GSTO1: variants seen among roughly 807,000 people sequenced by gnomAD.
The protein encoded by GSTO1 is glutathione S-transferase omega 1, also known as glutathione S-transferase omega-1.
Under a neutral mutation model 23.8 loss-of-function variants are expected in GSTO1, and 27 were observed. That is an observed-to-expected ratio of 1.13 (90% CI 0.83 to 1.56). The LOEUF is 1.56. Among genes scored for constraint, GSTO1 ranks in the 40% most tolerant of loss-of-function variants. The pLI is 0.00. For missense variants in GSTO1, 255 were observed against 285.8 expected (o/e 0.89, Z 0.78); for synonymous variants, 105 against 109.3 (o/e 0.96, Z 0.25).
chr10:104,255,086 T>TG, intron 1 of GSTO1, 77 bp from the exon 2 acceptor site: 6 of 1,432,120 alleles, frequency 4.2e-6, no homozygotes, highest in Non-Finnish European at 5.8e-6. Context: ...GGAGCTGCAG[T>TG]GGGACGCGGG....
intron 2 of GSTO1, 35 bp downstream of exon 2, chr10:104,255,306 TC>T: frequency 7.1e-7 from 1 of 1,412,024 alleles, no homozygotes; most frequent in Non-Finnish European, 1.0e-6. Context: ...CCCCGAGCCG[TC>T]CGGGAGCCTG....
chr10:104,263,171 G>C lies in GSTO1; in HGVS notation c.465+94G>C, dbSNP rs2011153257. On this transcript the variant is annotated intron_variant, in intron 4 of 5. Coordinates refer to ENST00000369713, the MANE Select transcript of GSTO1 (RefSeq NM_004832.3). ...TTTTCTTTATATTCCCACTTTCCAA[G>C]TCACTTTAAGGTAATTAGGAAAATT... The C allele has an allele frequency of 5.1e-6, 3 of 590,814 alleles. No individual in the cohort carries two copies. In the African/African-American group the frequency reaches 5.6e-5, roughly 11 times the overall value. 36.6% of individuals were successfully genotyped at this position (590,814 alleles called of 1,614,324 possible). A position where few individuals can be genotyped will look rare whatever the true frequency, so the allele number is the denominator to read the frequency against.
At chr10:104,256,749 C>T (rs1280951030) in intron 2 of GSTO1, among the ~76,000 whole-genome samples, 1 of 152,030 alleles carries the variant, frequency 6.6e-6, no homozygotes, top group Non-Finnish European at 1.5e-5. Context: ...TGCCAGCTTA[C>T]CAAAATTCAT....
intron 3 of GSTO1, among the ~76,000 whole-genome samples, chr10:104,260,911 ATGACATTT>A (rs2011134109): frequency 6.6e-6 from 1 of 152,208 alleles, no homozygotes; most frequent in Non-Finnish European, 1.5e-5. Flanking sequence ...TAAAGGGAAC[ATGACATTT>A]TCAAGAACGA....
intron 4 of GSTO1, among the ~76,000 whole-genome samples, chr10:104,264,188 C>T (rs2011160984): frequency 6.6e-6 from 1 of 152,118 alleles, no homozygotes; most frequent in Non-Finnish European, 1.5e-5. Context: ...TTCTTTAAAA[C>T]ATTTGAGCCT....
Position 104,255,286 on chromosome 10 carries a change from G to T in GSTO1, c.143+15G>T. On this transcript the variant is annotated intron_variant, in intron 2 of 5. Transcript: ENST00000369713. Reference sequence around the variant, plus strand: ...AAGGGAATCAGGTGGGCACCCAGGCGGGGGACGCTCCCCGAGCCGTCCGGG... The same window carrying T: ...AAGGGAATCAGGTGGGCACCCAGGCTGGGGACGCTCCCCGAGCCGTCCGGG... 6.4e-7 allele frequency: 1 copy of T among 1,558,634 alleles called. No homozygotes were observed. Among genetic ancestry groups the T allele is most frequent in the South Asian group, 1.1e-5 (1 of 89,968 alleles).
In GSTO1 at chr10:104,267,307, C is replaced by T. The variant is rs746372013; in HGVS notation, c.628C>T (p.Pro210Ser). 1.2e-6 allele frequency: 2 copies of T among 1,613,058 alleles called. No individual in the cohort carries two copies. The highest frequency in any genetic ancestry group is 1.7e-6 in the Non-Finnish European group (2 of 1,179,078). ...GTGGATGGCAGCCATGAAGGAAGAT[C>T]CCACAGTCTCAGCCCTGCTTACTAG... Reference protein sequence around the residue: ...KLWMAAMKEDPTVSALLTSEK... With the variant: ...KLWMAAMKEDSTVSALLTSEK... The change falls in exon 6 of 6, where the codon CCC (proline) becomes TCC (serine). Residue 210 changes from proline to serine, a missense_variant. Coordinates refer to ENST00000369713, the MANE Select transcript of GSTO1 (RefSeq NM_004832.3).
chr10:104,262,835 C>T (rs2011149101), intron 3 of GSTO1, 144 bp from the exon 4 acceptor site: 1 of 501,148 alleles, frequency 2.0e-6, no homozygotes, highest in Non-Finnish European at 3.6e-6. Context: ...TCCATTACCT[C>T]TGTGAGCGCA....
intron 5 of GSTO1, 83 bp from the exon 6 acceptor site, chr10:104,267,169 G>C (rs1589848486): frequency 5.2e-6 from 4 of 772,602 alleles, no homozygotes; most frequent in Admixed American, 5.4e-5. Context: ...TGAAACTGTA[G>C]AGTAATAATT....
At position 104,267,221 on chromosome 10, in the gene GSTO1, T is replaced by A. The variant is rs2011202231; in HGVS notation, c.573-31T>A. On this transcript the variant is annotated intron_variant, in intron 5 of 5. Transcript: ENST00000369713. ...GTGATGTCATCCTAGTTGACCTAGC[T>A]CACACCTTTCATTTTTTCCTCTTCC... is the stretch of plus-strand genomic sequence containing the variant. 7 of 1,558,596 alleles carry A rather than the reference T, an allele frequency of 4.5e-6. No individual in the cohort carries two copies. In the East Asian group the frequency reaches 1.4e-4, roughly 30 times the overall value.
Position 104,266,089 on chromosome 10 carries a change from G to T in GSTO1, c.471G>T (p.Leu157=). ...RKEFTKLEEV[L]TNKKTTFFGG... Reference sequence around the variant, plus strand: ...TTATGCTGTTTAATGTTCAGGTTCTGACTAATAAGAAGACGACCTTCTTTG... The same window carrying T: ...TTATGCTGTTTAATGTTCAGGTTCTTACTAATAAGAAGACGACCTTCTTTG... Residue 157 remains leucine, a synonymous_variant, in exon 5 of 6, where the codon CTG becomes CTT. Coordinates refer to ENST00000369713, the MANE Select transcript of GSTO1 (RefSeq NM_004832.3). The T allele has an allele frequency of 1.3e-6, 2 of 1,543,792 alleles. No homozygotes were observed. The highest frequency in any genetic ancestry group is 1.1e-5 in the South Asian group (1 of 89,580).
chr10:104,259,920 C>T, intron 3 of GSTO1, 122 bp downstream of exon 3: 1 of 659,608 alleles, frequency 1.5e-6, no homozygotes, highest in Non-Finnish European at 2.7e-6. Context: ...TGCTTGTCAG[C>T]TCTGAGTGTC....
chr10:104,255,349 C>T (rs1425550113), intron 2 of GSTO1, 78 bp downstream of exon 2: 1 of 827,512 alleles, frequency 1.2e-6, no homozygotes, highest in Non-Finnish European at 2.1e-6. Context: ...GGGGTCTCAG[C>T]CCCCTTCTAC....
At chr10:104,265,770 T>C (rs1168898089) in intron 4 of GSTO1, among the ~76,000 whole-genome samples, 1 of 152,278 alleles carries the variant, frequency 6.6e-6, no homozygotes, top group African/African-American at 2.4e-5. Context: ...ATGGGTCGTT[T>C]GCTATTTTTC....
rs1474909556 is a variant in GSTO1 at position 104,254,945 on chromosome 10, C to T, written c.17C>T (p.Ala6Val). ...TGCGCCACGATGTCCGGGGAGTCAG[C>T]CAGGAGCTTGGGGAAGGGTGAGGCC... MSGES[A>V]RSLGKGSAPP... Residue 6 changes from alanine (A) to valine (V), a missense_variant, in exon 1 of 6, where the codon GCC (alanine) becomes GTC (valine). Ala to Val is a moderately conservative substitution (Grantham distance 64). Transcript: ENST00000369713. The T allele has an allele frequency of 3.1e-6, 5 of 1,610,728 alleles. No homozygotes were observed. Among genetic ancestry groups the T allele is most frequent in the Non-Finnish European group, 4.2e-6 (5 of 1,179,026 alleles).
upstream of GSTO1, chr10:104,254,807 C>CG: frequency 3.1e-6 from 3 of 956,726 alleles, no homozygotes; most frequent in Non-Finnish European, 4.9e-6. Flanking sequence ...TGGCGGCCGC[C>CG]GGGGGCAGGC....
chr10:104,255,115 G>C, intron 1 of GSTO1, 48 bp from the exon 2 acceptor site: 1 of 1,492,032 alleles, frequency 6.7e-7, no homozygotes, highest in Non-Finnish European at 9.3e-7. Flanking sequence ...GATACGGGGG[G>C]TCTCGACACC....
At chr10:104,255,112 G>A in intron 1 of GSTO1, 51 bp from the exon 2 acceptor site, 1 of 1,481,432 alleles carries the variant, frequency 6.8e-7, no homozygotes, top group Non-Finnish European at 9.4e-7. Context: ...TGGGATACGG[G>A]GGGTCTCGAC....
chr10:104,267,238 T>A lies in GSTO1; in HGVS notation c.573-14T>A. ...GACCTAGCTCACACCTTTCATTTTT[T>A]CCTCTTCCCACAGGTGTGTAGACCA... is the stretch of plus-strand genomic sequence containing the variant. On this transcript the variant is annotated splice_polypyrimidine_tract_variant and intron_variant, in intron 5 of 5. Transcript: ENST00000369713. The A allele has an allele frequency of 1.3e-6, 2 of 1,595,292 alleles. No homozygotes were observed. Among genetic ancestry groups the A allele is most frequent in the Non-Finnish European group, 1.7e-6 (2 of 1,169,534 alleles).
Sources: gnomAD v4.1 joint callset for allele counts (sites outside exome capture counted in the v4.1 genomes callset) on GRCh38, gnomAD v4.1.1 for gene constraint, MANE v1.5 for transcripts, NCBI Gene and HGNC (gene_info 2026-07-23, HGNC 2026-07-21) for gene names.